SS18L1: variants seen among roughly 807,000 people sequenced by gnomAD.
SS18L1 encodes the protein SS18L1 subunit of BAF chromatin remodeling complex.
SS18L1 carries 32 observed loss-of-function variants against 70.3 expected under a neutral mutation model. The observed-to-expected ratio is 0.46, with a 90% confidence interval of 0.34 to 0.61. The LOEUF is 0.61. Among genes scored for constraint, SS18L1 ranks in the 20% least tolerant of loss-of-function variants. The pLI is 0.01. For synonymous variants in SS18L1, 237 were observed against 229.7 expected, an observed-to-expected ratio of 1.03 and a Z score of -0.29; for missense variants, 430 against 542.1, an observed-to-expected ratio of 0.79 and a Z score of 2.05.
intron 10 of SS18L1, among the ~76,000 whole-genome samples, chr20:62,176,672 G>A (rs1474133611): frequency 4.6e-5 from 7 of 152,012 alleles, no homozygotes; most frequent in East Asian, 1.9e-4. Flanking sequence ...AAAATTAGCC[G>A]GGTGCCTGTA....
intron 1 of SS18L1, among the ~76,000 whole-genome samples, chr20:62,151,042 A>G (rs557327393): frequency 5.3e-5 from 8 of 152,334 alleles, no homozygotes; most frequent in Non-Finnish European, 1.0e-4. Flanking sequence ...GGGCTGAGCC[A>G]GCCCCGGCAG....
rs200533244 is a variant in SS18L1 at position 62,164,311 on chromosome 20, AAGGAGG to A, written c.823+66_823+71del. The A allele has an allele frequency of 8.8e-4, 1,245 of 1,408,582 alleles. 17 individuals carry two copies. The East Asian group carries it at 0.028, about 31-fold the overall frequency. 87.3% of individuals were successfully genotyped at this position (1,408,582 alleles called of 1,614,324 possible). A position where few individuals can be genotyped will look rare whatever the true frequency, so the allele number is the denominator to read the frequency against. ...GAGCAGCTGCAGGGGCAAGGAGGGC[AAGGAGG>A]GCAAGGAGGGTGTGGCCACTGCAGT... On this transcript the variant is annotated intron_variant, in intron 7 of 10. Transcript: ENST00000331758.
At chr20:62,164,941 A>G (rs2057400364) in intron 7 of SS18L1, among the ~76,000 whole-genome samples, 1 of 152,220 alleles carries the variant, frequency 6.6e-6, no homozygotes, top group Non-Finnish European at 1.5e-5. Context: ...TAAAGGCTGG[A>G]TTGATCCCTG....
At chr20:62,151,655 C>T (rs956078794) in intron 1 of SS18L1, among the ~76,000 whole-genome samples, 10 of 152,336 alleles carry the variant, frequency 6.6e-5, no homozygotes, top group Admixed American at 6.5e-5. Flanking sequence ...TTCAACCACG[C>T]GGCTCCGGGA....
intron 1 of SS18L1, among the ~76,000 whole-genome samples, chr20:62,144,451 G>A (rs1003575597): frequency 2.0e-5 from 3 of 152,252 alleles, no homozygotes; most frequent in Non-Finnish European, 4.4e-5. Flanking sequence ...AGCGAGGCGC[G>A]AACGATGGAG....
At chr20:62,152,229 C>G (rs2057146353) in intron 1 of SS18L1, among the ~76,000 whole-genome samples, 1 of 152,220 alleles carries the variant, frequency 6.6e-6, no homozygotes, top group Admixed American at 6.5e-5. Flanking sequence ...GACTGGCCAC[C>G]CACGCCCACT....
At chr20:62,167,226 G>C (rs2057451941) in intron 8 of SS18L1, among the ~76,000 whole-genome samples, 1 of 150,514 alleles carries the variant, frequency 6.6e-6, no homozygotes, top group Non-Finnish European at 1.5e-5. Flanking sequence ...TGTATTTTCA[G>C]TAGAGATGGG....
At chr20:62,178,759 T>C (rs1414377873) in intron 10 of SS18L1, among the ~76,000 whole-genome samples, 3 of 152,198 alleles carry the variant, frequency 2.0e-5, no homozygotes, top group East Asian at 1.9e-4. Flanking sequence ...TTGCCCAGCC[T>C]GGGTCTTTAG....
chr20:62,143,969 G>T, intron 1 of SS18L1, 80 bp downstream of exon 1: 1 of 880,344 alleles, frequency 1.1e-6, no homozygotes, highest in Non-Finnish European at 1.4e-6. Flanking sequence ...GGCAGCTGGC[G>T]GGCGCGGGGC....
chr20:62,144,541 C>G (rs1253527624), intron 1 of SS18L1, among the ~76,000 whole-genome samples: 1 of 152,240 alleles, frequency 6.6e-6, no homozygotes, highest in East Asian at 1.9e-4. Context: ...ACCGCCCCCT[C>G]CGTATCCTCG....
intron 1 of SS18L1, among the ~76,000 whole-genome samples, chr20:62,157,006 G>A (rs2057234586): frequency 6.6e-6 from 1 of 152,218 alleles, no homozygotes; most frequent in East Asian, 1.9e-4. Flanking sequence ...GCTGGTCACA[G>A]GGCGGGTGTC....
chr20:62,164,389 C>T (rs2057390350), intron 7 of SS18L1, 143 bp downstream of exon 7: 1 of 879,754 alleles, frequency 1.1e-6, no homozygotes, highest in Non-Finnish European at 1.7e-6. Flanking sequence ...GGCAGAGTGG[C>T]CAGACGCCCT....
intron 1 of SS18L1, among the ~76,000 whole-genome samples, chr20:62,149,151 G>A (rs1249682640): frequency 6.6e-6 from 1 of 152,254 alleles, no homozygotes; most frequent in Non-Finnish European, 1.5e-5. Context: ...TGGTGGCAGT[G>A]TCACGCCCGT....
chr20:62,162,157 G>T (rs772859988), intron 4 of SS18L1, among the ~76,000 whole-genome samples: 2 of 152,226 alleles, frequency 1.3e-5, no homozygotes, highest in Non-Finnish European at 2.9e-5. Context: ...GAGCTTGGGA[G>T]GGTGAGGCTG....
intron 3 of SS18L1, 76 bp downstream of exon 3, chr20:62,160,037 T>C: frequency 1.4e-6 from 2 of 1,431,842 alleles, no homozygotes; most frequent in Middle Eastern, 1.7e-4. Flanking sequence ...ATTGTGGGCA[T>C]GTCATCTCAG....
intron 1 of SS18L1, among the ~76,000 whole-genome samples, chr20:62,151,186 C>G (rs112929558): frequency 3.7e-4 from 57 of 152,262 alleles, no homozygotes; most frequent in African/African-American, 1.2e-3. Context: ...CCCCTACTCT[C>G]TGTGGGCTCT....
chr20:62,159,226 A>C lies in SS18L1; in HGVS notation c.146+478A>C, dbSNP rs563538061. 1.3e-5 allele frequency among the ~76,000 whole-genome samples: 2 copies of C among 152,214 alleles called. No homozygotes were observed. The highest frequency in any genetic ancestry group is 3.9e-4 in the East Asian group (2 of 5,150). Reference sequence around the variant, plus strand: ...GGAGACAGCACCTACTCCAGGTGGGACCTCCTGTGACCCTGTGAACCTAGG... The same window carrying C: ...GGAGACAGCACCTACTCCAGGTGGGCCCTCCTGTGACCCTGTGAACCTAGG... On this transcript the variant is annotated intron_variant, in intron 2 of 10. Transcript: ENST00000331758. The surrounding 1 kb of genome is among the most constrained non-coding windows in gnomAD (Gnocchi z 4.4).
intron 1 of SS18L1, among the ~76,000 whole-genome samples, chr20:62,156,642 T>C (rs1270376377): frequency 6.6e-6 from 1 of 152,256 alleles, no homozygotes; most frequent in African/African-American, 2.4e-5. Flanking sequence ...CCCTGTGAGC[T>C]GGCCTGGCTT....
At chr20:62,143,962 A>G in intron 1 of SS18L1, 73 bp downstream of exon 1, 4 of 915,208 alleles carry the variant, frequency 4.4e-6, no homozygotes, top group Non-Finnish European at 5.2e-6. Context: ...GGGCGCGGGC[A>G]GCTGGCGGGC....
Sources: gnomAD v4.1 joint callset for allele counts (sites outside exome capture counted in the v4.1 genomes callset) on GRCh38, gnomAD v4.1.1 for gene constraint, Gnocchi (gnomAD v3.1) non-coding constraint, MANE v1.5 for transcripts, NCBI Gene and HGNC (gene_info 2026-07-23, HGNC 2026-07-21) for gene names.